SDK2: variants seen among roughly 807,000 people sequenced by gnomAD.
The protein encoded by SDK2 is protein sidekick-2.
In SDK2, 105 loss-of-function variants were observed where a neutral mutation model predicts 253.9. That is an observed-to-expected ratio of 0.41 (90% CI 0.35 to 0.49). The LOEUF (loss-of-function observed/expected upper bound fraction) is 0.49, where lower values mean the gene tolerates loss of function less well. Among genes scored for constraint, SDK2 ranks in the 20% least tolerant of loss-of-function variants. The pLI, the probability that SDK2 is intolerant of heterozygous loss-of-function variation, is 0.06. For missense variants in SDK2, 2,608 were observed against 3,003.0 expected (o/e 0.87, Z 3.07); for synonymous variants, 1,249 against 1,234.9 (o/e 1.01, Z -0.24).
chr17:73,568,230 C>G (rs11871704), intron 1 of SDK2, among the ~76,000 whole-genome samples: 16,154 of 152,212 alleles, frequency 0.11, 1,070 homozygotes, highest in South Asian at 0.17. Context: ...CTGGCACCTT[C>G]TCCCCCTCTC....
At chr17:73,351,672 C>G (rs2062539664) in intron 41 of SDK2, among the ~76,000 whole-genome samples, 1 of 152,114 alleles carries the variant, frequency 6.6e-6, no homozygotes, top group Admixed American at 6.6e-5. Flanking sequence ...GATGTCTCTT[C>G]CAGGTAGAGC....
chr17:73,372,567 A>G (rs2062743671), intron 36 of SDK2, among the ~76,000 whole-genome samples: 1 of 152,094 alleles, frequency 6.6e-6, no homozygotes, highest in South Asian at 2.1e-4. Flanking sequence ...TTATTGAGGT[A>G]TAATTGACAA....
At chr17:73,565,310 G>A (rs2045296335) in intron 1 of SDK2, among the ~76,000 whole-genome samples, 1 of 152,156 alleles carries the variant, frequency 6.6e-6, no homozygotes, top group Non-Finnish European at 1.5e-5. Flanking sequence ...CCCAGCAAAG[G>A]CTAGAGGGAC....
At chr17:73,413,157 C>T (rs1476940941) in intron 18 of SDK2, among the ~76,000 whole-genome samples, 1 of 152,062 alleles carries the variant, frequency 6.6e-6, no homozygotes, top group Non-Finnish European at 1.5e-5. Context: ...CACATTACCA[C>T]CTAAACTCCA....
intron 1 of SDK2, among the ~76,000 whole-genome samples, chr17:73,530,387 G>T (rs1868425332): frequency 6.6e-6 from 1 of 152,226 alleles, no homozygotes; most frequent in Non-Finnish European, 1.5e-5. Flanking sequence ...TCATCCATCA[G>T]CTCTCATGAG....
At chr17:73,456,446 T>A (rs1053708099) in intron 3 of SDK2, among the ~76,000 whole-genome samples, 4 of 152,142 alleles carry the variant, frequency 2.6e-5, no homozygotes, top group Non-Finnish European at 4.4e-5. Context: ...AGTCAGGCTA[T>A]GTAGCTCCTC....
At chr17:73,454,441 C>T (rs114864914) in intron 4 of SDK2, among the ~76,000 whole-genome samples, 1,622 of 152,330 alleles carry the variant, frequency 0.011, 32 homozygotes, top group African/African-American at 0.037. Flanking sequence ...AGTAGTTAAA[C>T]TTTTGGGAAC....
intron 17 of SDK2, 121 bp downstream of exon 17, chr17:73,415,690 T>A (rs1399352160): frequency 1.3e-5 from 11 of 825,974 alleles, no homozygotes; most frequent in Non-Finnish European, 2.1e-5. Context: ...AGTCTCCCTA[T>A]GTTGCCCAGG....
chr17:73,385,981 T>C, intron 31 of SDK2, 64 bp from the exon 32 acceptor site: 1 of 1,236,758 alleles, frequency 8.1e-7, no homozygotes, highest in Non-Finnish European at 1.1e-6. Context: ...AGGAGCCCAC[T>C]GAGACCAGAT....
chr17:73,452,017 C>G (rs1045768410), intron 4 of SDK2, among the ~76,000 whole-genome samples: 6 of 152,090 alleles, frequency 3.9e-5, no homozygotes, highest in Non-Finnish European at 8.8e-5. Flanking sequence ...ATTGGCCCAG[C>G]CCTGCCCTCC....
intron 4 of SDK2, among the ~76,000 whole-genome samples, chr17:73,449,178 G>A (rs114656244): frequency 0.01 from 1,528 of 152,228 alleles, 30 homozygotes; most frequent in African/African-American, 0.035. Flanking sequence ...TCCATGGAAT[G>A]TGGGTGCAAT....
chr17:73,593,011 C>T (rs1385097251), intron 1 of SDK2, among the ~76,000 whole-genome samples: 3 of 147,922 alleles, frequency 2.0e-5, no homozygotes. Context: ...ACTTGGAGTT[C>T]AGCCGGTCCA....
chr17:73,481,717 C>T lies in SDK2; in HGVS notation c.225-9499G>A, dbSNP rs2063725515. Among the ~76,000 whole-genome samples, 1 of 152,162 alleles carries T rather than the reference C, an allele frequency of 6.6e-6. No individual in the cohort carries two copies. Among genetic ancestry groups the T allele is most frequent in the Admixed American group, 6.5e-5 (1 of 15,278 alleles). Reference sequence around the variant, plus strand: ...TCTTGGGAGGAGATGCCCATCTTCTCCTGCCCTTGGACGCTGGGGCTCCTG... The same window carrying T: ...TCTTGGGAGGAGATGCCCATCTTCTTCTGCCCTTGGACGCTGGGGCTCCTG... On this transcript the variant is annotated intron_variant, in intron 2 of 44. Coordinates refer to ENST00000392650, the MANE Select transcript of SDK2 (RefSeq NM_001144952.2). The surrounding 1 kb of genome is among the most constrained non-coding windows in gnomAD (Gnocchi z 4.5).
chr17:73,582,424 C>G (rs539175897), intron 1 of SDK2, among the ~76,000 whole-genome samples: 5 of 152,230 alleles, frequency 3.3e-5, no homozygotes, highest in Non-Finnish European at 5.9e-5. Context: ...TGTGCAGGCA[C>G]GAACACTTTG....
At chr17:73,367,187 T>A (rs1005681825) in intron 37 of SDK2, among the ~76,000 whole-genome samples, 18 of 152,032 alleles carry the variant, frequency 1.2e-4, no homozygotes, top group Non-Finnish European at 1.8e-4. Context: ...TGTAGTTTTT[T>A]AAGTACAGAT....
At chr17:73,509,120 G>C (rs920546286) in intron 1 of SDK2, among the ~76,000 whole-genome samples, 2 of 151,972 alleles carry the variant, frequency 1.3e-5, no homozygotes, top group African/African-American at 4.8e-5. Flanking sequence ...GGCCAGTGGT[G>C]GGGGGTCTGT....
chr17:73,594,201 G>A (rs940890241), intron 1 of SDK2, among the ~76,000 whole-genome samples: 5 of 152,290 alleles, frequency 3.3e-5, no homozygotes, highest in East Asian at 3.9e-4. Flanking sequence ...GCGGGAAGGC[G>A]GCATTGATGG....
chr17:73,535,769 C>G (rs921017311), intron 1 of SDK2, among the ~76,000 whole-genome samples: 2 of 152,152 alleles, frequency 1.3e-5, no homozygotes, highest in Non-Finnish European at 2.9e-5. Flanking sequence ...ATCTCTCTAT[C>G]CATGGATGTG....
At chr17:73,632,858 G>A (rs973792632) in intron 1 of SDK2, among the ~76,000 whole-genome samples, 4 of 152,150 alleles carry the variant, frequency 2.6e-5, no homozygotes, top group Non-Finnish European at 4.4e-5. Flanking sequence ...GTATGTTCTA[G>A]GGGGTCCAGG....
Sources: gnomAD v4.1 joint callset for allele counts (sites outside exome capture counted in the v4.1 genomes callset) on GRCh38, gnomAD v4.1.1 for gene constraint, Gnocchi (gnomAD v3.1) non-coding constraint, MANE v1.5 for transcripts, NCBI Gene and HGNC (gene_info 2026-07-23, HGNC 2026-07-21) for gene names.